Variants in HIVEP3 observed in about 807,000 individuals in gnomAD.
The protein encoded by HIVEP3 is transcription factor HIVEP3.
In HIVEP3, 49 loss-of-function variants were observed where a neutral mutation model predicts 152.8. The ratio of observed to expected loss-of-function variants is 0.32; its 90% CI spans 0.26 to 0.41. The LOEUF (loss-of-function observed/expected upper bound fraction) is 0.41. Among genes scored for constraint, HIVEP3 ranks in the 10% least tolerant of loss-of-function variants. The pLI is 1.00. For missense variants in HIVEP3, 2,790 were observed against 3,103.3 expected, an observed-to-expected ratio of 0.90 and a Z score of 2.40; for synonymous variants, 1,269 against 1,289.0, an observed-to-expected ratio of 0.98 and a Z score of 0.33.
intron 1 of HIVEP3, among the ~76,000 whole-genome samples, chr1:41,831,808 C>T (rs1642973223): frequency 6.6e-6 from 1 of 152,152 alleles, no homozygotes; most frequent in Admixed American, 6.5e-5. Flanking sequence ...AGCAAGCATT[C>T]AAGGAATGCT....
At chr1:41,886,855 C>T (rs995104576) in intron 1 of HIVEP3, among the ~76,000 whole-genome samples, 11 of 151,660 alleles carry the variant, frequency 7.3e-5, no homozygotes, top group Non-Finnish European at 1.5e-4. Flanking sequence ...GATGCCTATT[C>T]GAAAAAGAAA....
chr1:41,834,234 C>T (rs1643053728), intron 1 of HIVEP3, among the ~76,000 whole-genome samples: 2 of 152,092 alleles, frequency 1.3e-5, no homozygotes, highest in African/African-American at 2.4e-5. Flanking sequence ...CTCATCAGCT[C>T]CATCTCTCTG....
At chr1:41,856,362 T>C (rs1449208245) in intron 1 of HIVEP3, among the ~76,000 whole-genome samples, 1 of 152,074 alleles carries the variant, frequency 6.6e-6, no homozygotes, top group Non-Finnish European at 1.5e-5. Context: ...TGCCAAGCGG[T>C]GGGCTGGGCA....
At chr1:41,846,568 G>A (rs998274471) in intron 1 of HIVEP3, among the ~76,000 whole-genome samples, 10 of 152,346 alleles carry the variant, frequency 6.6e-5, no homozygotes, top group African/African-American at 1.7e-4. Context: ...GAACGTGTTC[G>A]CTGTGAGGAA....
chr1:41,944,700 C>A (rs1229656110), intron 1 of HIVEP3, among the ~76,000 whole-genome samples: 4 of 152,098 alleles, frequency 2.6e-5, no homozygotes, highest in African/African-American at 9.7e-5. Context: ...CATCAGTGAG[C>A]ATCACTAATC....
At chr1:41,764,230 T>C (rs952986631) in intron 1 of HIVEP3, among the ~76,000 whole-genome samples, 1 of 152,098 alleles carries the variant, frequency 6.6e-6, no homozygotes, top group Non-Finnish European at 1.5e-5. Flanking sequence ...GGAAGAGACA[T>C]GGCCCAACTG....
At chr1:41,699,989 G>A (rs1404326102) in intron 2 of HIVEP3, among the ~76,000 whole-genome samples, 4 of 152,056 alleles carry the variant, frequency 2.6e-5, no homozygotes, top group African/African-American at 7.2e-5. Context: ...TGCTCCACTT[G>A]CTGTCCCTTG....
intron 1 of HIVEP3, among the ~76,000 whole-genome samples, chr1:41,954,844 G>A (rs753674630): frequency 2.2e-4 from 33 of 152,172 alleles, no homozygotes; most frequent in Non-Finnish European, 3.4e-4. Flanking sequence ...ATCTCTCAGC[G>A]TTGTGGTCAG....
At chr1:41,668,706 C>G (rs1331316614) in intron 2 of HIVEP3, among the ~76,000 whole-genome samples, 1 of 152,246 alleles carries the variant, frequency 6.6e-6, no homozygotes, top group East Asian at 1.9e-4. Context: ...GTCCTATAAG[C>G]TCTCCTTCAA....
intron 1 of HIVEP3, among the ~76,000 whole-genome samples, chr1:41,967,006 C>T (rs566633783): frequency 6.6e-6 from 1 of 152,092 alleles, no homozygotes; most frequent in Non-Finnish European, 1.5e-5. Flanking sequence ...GATAGCTATC[C>T]TAAATATATA....
chr1:41,789,152 C>T (rs1389209609), intron 1 of HIVEP3, among the ~76,000 whole-genome samples: 2 of 152,218 alleles, frequency 1.3e-5, no homozygotes, highest in African/African-American at 4.8e-5. Context: ...CATATGACCA[C>T]ACCTGCAGCA....
At chr1:42,022,277 C>G (rs1237852359) in intron 1 of HIVEP3, among the ~76,000 whole-genome samples, 1 of 152,176 alleles carries the variant, frequency 6.6e-6, no homozygotes, top group African/African-American at 2.4e-5. Flanking sequence ...TCTCCTTCCA[C>G]TCTGATGAGA....
chr1:41,531,136 G>A (rs557616526), intron 5 of HIVEP3, among the ~76,000 whole-genome samples: 10 of 151,506 alleles, frequency 6.6e-5, no homozygotes, highest in African/African-American at 2.2e-4. Flanking sequence ...GGGAGGACAG[G>A]AGAGATGGAG....
intron 5 of HIVEP3, chr1:41,543,791 TG>T (rs1477839325): frequency 2.0e-5 from 3 of 152,228 alleles, no homozygotes; most frequent in African/African-American, 7.2e-5. Flanking sequence ...CGTGGCTCTT[TG>T]GTCTCCTCCA....
intron 7 of HIVEP3, among the ~76,000 whole-genome samples, chr1:41,516,422 T>C (rs1642608479): frequency 6.6e-6 from 1 of 152,174 alleles, no homozygotes; most frequent in East Asian, 1.9e-4. Context: ...AAGTGGAAAC[T>C]CCATCCTTCA....
At chr1:41,710,027 G>A (rs1337686872) in intron 1 of HIVEP3, among the ~76,000 whole-genome samples, 1 of 152,174 alleles carries the variant, frequency 6.6e-6, no homozygotes, top group Admixed American at 6.5e-5. Flanking sequence ...GTTTCTAGCT[G>A]TGCCAATCTG....
At chr1:41,800,202 C>T (rs924577290) in intron 1 of HIVEP3, among the ~76,000 whole-genome samples, 1 of 152,214 alleles carries the variant, frequency 6.6e-6, no homozygotes, top group Non-Finnish European at 1.5e-5. Context: ...TGCAATCTGA[C>T]TTTGCCCCTC....
intron 1 of HIVEP3, among the ~76,000 whole-genome samples, chr1:41,751,179 T>C (rs1236130831): frequency 6.6e-6 from 1 of 152,046 alleles, no homozygotes; most frequent in Non-Finnish European, 1.5e-5. Flanking sequence ...ACACCCTCCC[T>C]GCCCAGCCCA....
intron 1 of HIVEP3, among the ~76,000 whole-genome samples, chr1:41,912,159 T>C (rs965583465): frequency 1.6e-4 from 25 of 152,032 alleles, no homozygotes; most frequent in African/African-American, 5.8e-4. Flanking sequence ...GGTACAGAAA[T>C]GTCCAGAAGA....
Sources: allele counts gnomAD v4.1 joint callset (sites outside exome capture counted in the v4.1 genomes callset), GRCh38; gene constraint gnomAD v4.1.1; transcripts MANE v1.5; gene names NCBI Gene and HGNC (gene_info 2026-07-23, HGNC 2026-07-21).